Variants in NCOA2 observed in about 807,000 individuals in gnomAD.
The protein encoded by NCOA2 is class E basic helix-loop-helix protein 75.
Under a neutral mutation model 145.1 loss-of-function variants are expected in NCOA2, and 21 were observed. That is an observed-to-expected ratio of 0.14 (90% CI 0.10 to 0.21). NCOA2 has a LOEUF of 0.21. Among genes scored for constraint, NCOA2 ranks in the 10% least tolerant of loss-of-function variants. NCOA2 has a pLI of 1.00. For missense variants in NCOA2, 1,472 were observed against 1,837.6 expected, an observed-to-expected ratio of 0.80 and a Z score of 3.64; for synonymous variants, 619 against 637.5, an observed-to-expected ratio of 0.97 and a Z score of 0.44.
At chr8:70,153,969 A>G (rs1200389440) in intron 11 of NCOA2, among the ~76,000 whole-genome samples, 1 of 152,194 alleles carries the variant, frequency 6.6e-6, no homozygotes, top group Non-Finnish European at 1.5e-5. Context: ...GCAGCTGTCG[A>G]GACATCAAAG....
intron 1 of NCOA2, among the ~76,000 whole-genome samples, chr8:70,307,260 A>G (rs911587605): frequency 6.6e-6 from 1 of 151,024 alleles, no homozygotes; most frequent in Non-Finnish European, 1.5e-5. Context: ...ATAATACAAT[A>G]TTGCAGGATA....
At chr8:70,180,405 A>G (rs1815345932) in intron 4 of NCOA2, among the ~76,000 whole-genome samples, 1 of 152,150 alleles carries the variant, frequency 6.6e-6, no homozygotes, top group African/African-American at 2.4e-5. Context: ...TCCAACACCA[A>G]TTAATTAGAT....
intron 4 of NCOA2, among the ~76,000 whole-genome samples, chr8:70,213,109 A>AC (rs1819221319): frequency 6.6e-6 from 1 of 151,388 alleles, no homozygotes; most frequent in Admixed American, 6.6e-5. Context: ...AAAAAAAAAA[A>AC]AAACCACACC....
At chr8:70,170,135 C>A in intron 6 of NCOA2, 67 bp downstream of exon 6, 1 of 1,439,850 alleles carries the variant, frequency 6.9e-7, no homozygotes. Flanking sequence ...AACCAAGACA[C>A]TGTGTGTATG....
the NCOA2 span, among the ~76,000 whole-genome samples, chr8:70,438,350 T>C: frequency 6.6e-6 from 1 of 152,222 alleles, no homozygotes. Flanking sequence ...TTTGGTCCAT[T>C]ATATTTTCCT....
At chr8:70,232,549 A>G (rs1218309048) in intron 2 of NCOA2, among the ~76,000 whole-genome samples, 3 of 151,744 alleles carry the variant, frequency 2.0e-5, no homozygotes, top group Admixed American at 2.0e-4. Context: ...AAGATAGCCA[A>G]CTCCATCTTC....
chr8:70,249,950 G>C (rs1250493529), intron 2 of NCOA2, among the ~76,000 whole-genome samples: 1 of 100,146 alleles, frequency 1.0e-5, no homozygotes, highest in Non-Finnish European at 1.8e-5. Flanking sequence ...GCAACAGAGA[G>C]AGAATCTGCC....
chr8:70,251,058 T>C (rs1823128529), intron 2 of NCOA2, among the ~76,000 whole-genome samples: 1 of 152,218 alleles, frequency 6.6e-6, no homozygotes, highest in Non-Finnish European at 1.5e-5. Context: ...CTTGGGCCTC[T>C]GACCTCCTTC....
chr8:70,193,197 G>C (rs981065344), intron 4 of NCOA2, among the ~76,000 whole-genome samples: 13 of 151,432 alleles, frequency 8.6e-5, no homozygotes, highest in Non-Finnish European at 1.9e-4. Context: ...TACACCATCA[G>C]AGCTATATGC....
At chr8:70,143,087 T>A (rs935453042) in intron 13 of NCOA2, among the ~76,000 whole-genome samples, 3 of 152,038 alleles carry the variant, frequency 2.0e-5, no homozygotes, top group Non-Finnish European at 4.4e-5. Flanking sequence ...GTAGCCGGGA[T>A]TACAGGTGCA....
At chr8:70,150,800 G>A (rs926910159) in intron 11 of NCOA2, among the ~76,000 whole-genome samples, 10 of 152,124 alleles carry the variant, frequency 6.6e-5, no homozygotes, top group Non-Finnish European at 1.3e-4. Flanking sequence ...GAGTCAACAC[G>A]ATGATTTCTT....
At chr8:70,118,747 G>A (rs1203991097) in intron 22 of NCOA2, among the ~76,000 whole-genome samples, 4 of 149,974 alleles carry the variant, frequency 2.7e-5, no homozygotes, top group South Asian at 2.1e-4. Context: ...GGAGTGCAAC[G>A]GCATGATCTC....
At chr8:70,318,806 A>G (rs935118157) in intron 1 of NCOA2, among the ~76,000 whole-genome samples, 6 of 152,202 alleles carry the variant, frequency 3.9e-5, no homozygotes, top group Admixed American at 1.3e-4. Context: ...TAGGCCCATC[A>G]GGGCAGGACT....
intron 1 of NCOA2, among the ~76,000 whole-genome samples, chr8:70,378,095 G>T (rs1811839898): frequency 6.6e-6 from 1 of 151,984 alleles, no homozygotes; most frequent in African/African-American, 2.4e-5. Flanking sequence ...GAAGATTAAG[G>T]TCAGTAACAT....
chr8:70,270,956 T>C (rs1028290136), intron 2 of NCOA2, among the ~76,000 whole-genome samples: 4 of 152,246 alleles, frequency 2.6e-5, no homozygotes, highest in African/African-American at 9.6e-5. Context: ...AAGAAAAAGA[T>C]GATGAATTAT....
rs923804680 is a variant in NCOA2 at position 70,110,393 on chromosome 8, A to G, written c.*3239T>C. The G allele has an allele frequency of 5.1e-6, 1 of 194,224 alleles. No individual in the cohort carries two copies. Among genetic ancestry groups the G allele is most frequent in the Non-Finnish European group, 1.1e-5 (1 of 93,388 alleles). 12.0% of individuals were successfully genotyped at this position (194,224 alleles called of 1,614,324 possible). Reference sequence around the variant, plus strand: ...GTTCTTGCACATAGCTTTTACCTGTAGTAAGAAACTTAAAAGATTTTGCTT... The same window carrying G: ...GTTCTTGCACATAGCTTTTACCTGTGGTAAGAAACTTAAAAGATTTTGCTT... On this transcript the variant is annotated 3_prime_UTR_variant, in exon 23 of 23. Transcript: ENST00000452400.
At chr8:70,123,788 G>A (rs1286024423) in intron 21 of NCOA2, 96 bp downstream of exon 21, 19 of 1,032,538 alleles carry the variant, frequency 1.8e-5, no homozygotes, top group Admixed American at 3.1e-5. Flanking sequence ...GGGAGTTGGT[G>A]GCTAAAGTCA....
At chr8:70,244,193 T>C (rs1586230607) in intron 2 of NCOA2, among the ~76,000 whole-genome samples, 1 of 152,128 alleles carries the variant, frequency 6.6e-6, no homozygotes, top group Non-Finnish European at 1.5e-5. Context: ...GAAACATACA[T>C]ACACTTCAGC....
intron 11 of NCOA2, among the ~76,000 whole-genome samples, chr8:70,154,606 G>A (rs900356511): frequency 2.0e-5 from 3 of 152,128 alleles, no homozygotes; most frequent in Non-Finnish European, 4.4e-5. Context: ...GTTTCATCAT[G>A]CTGCCCAGGC....
Sources: gnomAD v4.1 joint callset for allele counts (sites outside exome capture counted in the v4.1 genomes callset) on GRCh38, gnomAD v4.1.1 for gene constraint, MANE v1.5 for transcripts, NCBI Gene and HGNC (gene_info 2026-07-23, HGNC 2026-07-21) for gene names.